SH3BP5: variants seen among roughly 807,000 people sequenced by gnomAD.
SH3BP5 encodes the protein SH3 domain binding protein 5, also known as SH3 domain-binding protein 5.
SH3BP5 carries 22 observed loss-of-function variants against 43.3 expected under a neutral mutation model. That is an observed-to-expected ratio of 0.51 (90% CI 0.36 to 0.73). The LOEUF (loss-of-function observed/expected upper bound fraction) is 0.73. Among genes scored for constraint, SH3BP5 ranks in the 30% least tolerant of loss-of-function variants. The pLI is 0.00. For missense variants in SH3BP5, 529 were observed against 586.9 expected, an observed-to-expected ratio of 0.90 and a Z score of 1.02; for synonymous variants, 255 against 225.8, an observed-to-expected ratio of 1.13 and a Z score of -1.16.
chr3:15,256,778 G>C (rs1376907141), intron 8 of SH3BP5, 75 bp downstream of exon 8: 1 of 1,495,970 alleles, frequency 6.7e-7, no homozygotes, highest in East Asian at 2.3e-5. Flanking sequence ...ACCTGGCAGA[G>C]GTATGGAATG....
In SH3BP5 at chr3:15,257,837, T is replaced by C. The variant is rs373951889; in HGVS notation, c.890-724A>G. Among the ~76,000 whole-genome samples the C allele has an allele frequency of 3.2e-3, 491 of 152,034 alleles. 1 individual carries two copies. The highest frequency in any genetic ancestry group is 0.014 in the Middle Eastern group (4 of 294). ...TATTAGAACTTTCCTACTCCATTTTTCCCCCCCTTTCTCTTTAAAAACAGC... is the reference window on the plus strand; with the variant it reads ...TATTAGAACTTTCCTACTCCATTTTCCCCCCCCTTTCTCTTTAAAAACAGC... On this transcript the variant is annotated intron_variant, in intron 7 of 8. Coordinates refer to ENST00000383791, the MANE Select transcript of SH3BP5 (RefSeq NM_004844.5).
At chr3:15,305,026 G>C (rs1035694241) in intron 2 of SH3BP5, among the ~76,000 whole-genome samples, 5 of 149,452 alleles carry the variant, frequency 3.3e-5, no homozygotes, top group African/African-American at 4.9e-5. Context: ...GCTGAGGCAG[G>C]ACAATCATTT....
chr3:15,276,019 C>CCAAA (rs1696953816), intron 3 of SH3BP5: 1 of 66,172 alleles, frequency 1.5e-5, no homozygotes, highest in African/African-American at 6.7e-5. Flanking sequence ...GACTCTGTCT[C>CCAAA]AAAAAAAAAA....
intron 3 of SH3BP5, among the ~76,000 whole-genome samples, chr3:15,276,349 T>G (rs887845372): frequency 1.3e-5 from 2 of 152,128 alleles, no homozygotes; most frequent in Non-Finnish European, 2.9e-5. Context: ...GAGCCCAGAA[T>G]AGGTGATGTC....
At position 15,262,190 on chromosome 3, in the gene SH3BP5, T is replaced by C. The variant is rs1696469836; in HGVS notation, c.595A>G (p.Lys199Glu). The C allele has an allele frequency of 6.2e-7, 1 of 1,613,918 alleles. No homozygotes were observed. Among genetic ancestry groups the C allele is most frequent in the Non-Finnish European group, 8.5e-7 (1 of 1,180,002 alleles). ...TTGTTGATGGCTCTCTTGAGTTTCT[T>C]CTCCAGCTGTCGCATGCGGCCCATG... is the stretch of plus-strand genomic sequence containing the variant. The part of the protein sequence containing the change: ...AAMGRMRQLE[K>E]KLKRAINKSK... The change falls in exon 5 of 9, where the codon AAG becomes GAG. Residue 199 changes from lysine (K) to glutamate (E), a missense_variant. Lys to Glu is a moderately conservative substitution (Grantham distance 56, BLOSUM62 1). Transcript: ENST00000383791.
intron 8 of SH3BP5, 179 bp downstream of exon 8, chr3:15,256,674 G>A: frequency 4.3e-6 from 3 of 702,852 alleles, no homozygotes; most frequent in Non-Finnish European, 6.9e-6. Context: ...GTGGAGCCAG[G>A]AGCCCCCCCA....
At chr3:15,258,784 A>T in intron 7 of SH3BP5, 47 bp downstream of exon 7, 2 of 1,522,570 alleles carry the variant, frequency 1.3e-6, no homozygotes, top group East Asian at 2.3e-5. Flanking sequence ...GAAACAAATC[A>T]CACAGTCTGA....
intron 3 of SH3BP5, among the ~76,000 whole-genome samples, chr3:15,291,715 G>A (rs565439762): frequency 2.9e-4 from 44 of 152,322 alleles, no homozygotes; most frequent in African/African-American, 8.7e-4. Flanking sequence ...TGAACCCTGA[G>A]TTGGGAATAT....
At chr3:15,273,629 C>T (rs1004240591) in intron 3 of SH3BP5, among the ~76,000 whole-genome samples, 1 of 152,192 alleles carries the variant, frequency 6.6e-6, no homozygotes, top group Non-Finnish European at 1.5e-5. Context: ...ATGCACTTAC[C>T]GGTTCATTCA....
rs1325416248 is a variant in SH3BP5, at chr3:15,257,092, T to C, written c.911A>G (p.Asp304Gly). Residue 304 changes from aspartate to glycine, a missense_variant, in exon 8 of 9, where the codon GAT becomes GGT. This residue lies in a region of SH3BP5 where 369 missense variants were observed against 384.3 expected (regional missense o/e 0.96). Coordinates refer to ENST00000383791, the MANE Select transcript of SH3BP5 (RefSeq NM_004844.5). ...AGACACAAAGTTGCTACAGCTGTCA[T>C]CTTCAAAGGCCTCCGAGGCCACTAA... ...AISVASEAFE[D>G]DSCSNFVSED... 4.3e-6 allele frequency: 7 copies of C among 1,614,104 alleles called. No individual in the cohort carries two copies. The highest frequency in any genetic ancestry group is 5.1e-6 in the Non-Finnish European group (6 of 1,179,958).
At chr3:15,295,084 G>A (rs957753027) in intron 3 of SH3BP5, among the ~76,000 whole-genome samples, 4 of 151,840 alleles carry the variant, frequency 2.6e-5, no homozygotes, top group East Asian at 3.9e-4. Context: ...AGCATCTCCC[G>A]CCAACACACA....
At chr3:15,320,174 T>C (rs1056288598) in intron 2 of SH3BP5, among the ~76,000 whole-genome samples, 1 of 152,084 alleles carries the variant, frequency 6.6e-6, no homozygotes, top group Non-Finnish European at 1.5e-5. Flanking sequence ...TTTGGTTGGG[T>C]TTAATGCCAA....
At chr3:15,322,991 T>C (rs987578457) in intron 2 of SH3BP5, among the ~76,000 whole-genome samples, 10 of 150,862 alleles carry the variant, frequency 6.6e-5, no homozygotes, top group African/African-American at 2.2e-4. Flanking sequence ...ACACAAAAAT[T>C]AGCCGGGTGT....
chr3:15,261,540 T>G (rs3773471), intron 5 of SH3BP5, among the ~76,000 whole-genome samples: 48,465 of 152,030 alleles, frequency 0.32, 12,482 homozygotes, highest in African/African-American at 0.7. Flanking sequence ...CTTTGGCTGT[T>G]AAGTCTAGGT....
rs375013263 is a variant in SH3BP5 at position 15,271,939 on chromosome 3, G to A, written c.331-2062C>T. Among the ~76,000 whole-genome samples the A allele has an allele frequency of 1.6e-3, 242 of 151,812 alleles. 2 individuals are homozygous for A. Among genetic ancestry groups the A allele is most frequent in the African/African-American group, 5.1e-3 (211 of 41,382 alleles). ...GAAGCCACAAACCCGCCTCTGCAGCGTCCCACCACCCTCCCTCGTCCCACC... is the reference window on the plus strand; with the variant it reads ...GAAGCCACAAACCCGCCTCTGCAGCATCCCACCACCCTCCCTCGTCCCACC... On this transcript the variant is annotated intron_variant, in intron 3 of 8. Transcript: ENST00000383791.
At chr3:15,269,668 C>A in intron 4 of SH3BP5, 45 bp downstream of exon 4, 1 of 1,486,586 alleles carries the variant, frequency 6.7e-7, no homozygotes. Context: ...AGCCAGCGCG[C>A]ATGCACGCGC....
chr3:15,307,211 A>G (rs1441618181), intron 2 of SH3BP5, among the ~76,000 whole-genome samples: 1 of 152,128 alleles, frequency 6.6e-6, no homozygotes, highest in African/African-American at 2.4e-5. Flanking sequence ...CTGTGCCATC[A>G]TCATCATCCT....
At chr3:15,256,381 A>G in intron 8 of SH3BP5, 78 bp from the exon 9 acceptor site, 1 of 1,450,816 alleles carries the variant, frequency 6.9e-7, no homozygotes. Context: ...AAGATTATCA[A>G]AAGTGAGTAT....
At chr3:15,259,474 C>T in intron 6 of SH3BP5, 1 of 558,330 alleles carries the variant, frequency 1.8e-6, no homozygotes, top group Non-Finnish European at 3.2e-6. Context: ...AGAGTGGGAC[C>T]TGGTCTATCA....
Sources: allele counts gnomAD v4.1 joint callset (sites outside exome capture counted in the v4.1 genomes callset), GRCh38; gene constraint gnomAD v4.1.1; regional missense constraint gnomAD v4.1.1; transcripts MANE v1.5; gene names NCBI Gene and HGNC (gene_info 2026-07-23, HGNC 2026-07-21).